The following CSF1R variants were observed in gnomAD, a reference collection of about 807,000 sequenced individuals.
The protein encoded by CSF1R is colony stimulating factor 1 receptor.
A neutral mutation model predicts 110.0 loss-of-function variants in CSF1R; 40 were observed. That is an observed-to-expected ratio of 0.36 (90% CI 0.28 to 0.47). The LOEUF (loss-of-function observed/expected upper bound fraction) is 0.47, where lower values mean the gene tolerates loss of function less well. Ranked by LOEUF, CSF1R falls within the 20% of genes least tolerant of loss-of-function variation. The pLI, the probability that CSF1R is intolerant of heterozygous loss-of-function variation, is 0.99. For synonymous variants in CSF1R, 523 were observed against 503.4 expected (o/e 1.04, Z -0.52); for missense variants, 1,052 against 1,253.0 (o/e 0.84, Z 2.42).
At chr5:150,057,236 C>A in intron 16 of CSF1R, 51 bp downstream of exon 16, 1 of 1,541,068 alleles carries the variant, frequency 6.5e-7, no homozygotes, top group East Asian at 2.3e-5. Context: ...ATCCAGCCTC[C>A]CCGGAGCACA....
In CSF1R at chr5:150,070,367, T is replaced by TAC. The variant is rs1051638528; in HGVS notation, c.1199-67_1199-66dup. ...CGCCACCTCCCAATCTCCCAGTACC[T>TAC]ACTTCCCTGTGCCCTGCCCCAGTCA... On this transcript the variant is annotated intron_variant, in intron 7 of 20. Transcript: ENST00000675795. 37 of 1,592,656 alleles carry TAC rather than the reference T, an allele frequency of 2.3e-5. No individual in the cohort carries two copies. In the African/African-American group the frequency reaches 4.7e-4, roughly 20 times the overall value.
At chr5:150,076,928 G>T (rs1033857108) in intron 5 of CSF1R, 13 of 344,156 alleles carry the variant, frequency 3.8e-5, no homozygotes, top group African/African-American at 2.5e-4. Flanking sequence ...TAATCACTGG[G>T]TGATCATTGT....
intron 1 of CSF1R, among the ~76,000 whole-genome samples, chr5:150,084,931 C>A (rs1316885156): frequency 6.6e-6 from 1 of 152,000 alleles, no homozygotes; most frequent in African/African-American, 2.4e-5. Context: ...ATTTGTCAGA[C>A]CTCATTGAAC....
intron 5 of CSF1R, chr5:150,077,016 C>G: frequency 1.9e-6 from 1 of 523,970 alleles, no homozygotes; most frequent in East Asian, 3.4e-5. Context: ...ACCCCAATCC[C>G]CAAATAAACA....
chr5:150,098,298 A>G (rs1469770803), intron 1 of CSF1R: 1 of 152,216 alleles, frequency 6.6e-6, no homozygotes, highest in African/African-American at 2.4e-5. Flanking sequence ...AAACCATACA[A>G]CTATTACAAG....
At chr5:150,112,053 T>C (rs1759735416) in intron 1 of CSF1R, among the ~76,000 whole-genome samples, 1 of 152,238 alleles carries the variant, frequency 6.6e-6, no homozygotes, top group Admixed American at 6.5e-5. Flanking sequence ...CAATCAAATC[T>C]TGTAGCTCTA....
chr5:150,085,279 A>G (rs1335732131), intron 1 of CSF1R, among the ~76,000 whole-genome samples: 2 of 91,328 alleles, frequency 2.2e-5, no homozygotes, highest in Admixed American at 1.1e-4. Flanking sequence ...TGTCTCAGGA[A>G]AAAAAAAAAA....
In CSF1R at chr5:150,053,921, T is replaced by G; in HGVS notation, c.*148A>C. ...GTGGGATCCTCTGACCTCCCCTGAA[T>G]CCCTCACCTTCCCAAGTTTCAGAGC... On this transcript the variant is annotated 3_prime_UTR_variant, in exon 21 of 21. Coordinates refer to ENST00000675795, the MANE Select transcript of CSF1R (RefSeq NM_001288705.3). 1.3e-6 allele frequency: 1 copy of G among 791,422 alleles called. No individual in the cohort carries two copies. The highest frequency in any genetic ancestry group is 2.1e-6 in the Non-Finnish European group (1 of 486,244). The allele number at this position is 791,422 out of a possible 1,614,324, so 49.0% of individuals were successfully genotyped here. A position where few individuals can be genotyped will look rare whatever the true frequency, so the allele number is the denominator to read the frequency against.
chr5:150,102,562 C>T (rs184453892), intron 1 of CSF1R, among the ~76,000 whole-genome samples: 1 of 152,320 alleles, frequency 6.6e-6, no homozygotes, highest in Admixed American at 6.5e-5. Flanking sequence ...TCACTGCAAC[C>T]TCTGACTCCC....
intron 10 of CSF1R, among the ~76,000 whole-genome samples, chr5:150,062,890 G>A (rs79990181): frequency 0.046 from 7,057 of 152,242 alleles, 539 homozygotes; most frequent in African/African-American, 0.16. Context: ...AATGCTGTAT[G>A]CTTGACATGG....
chr5:150,086,703 GC>G (rs1361295171), upstream of CSF1R: 21 of 413,830 alleles, frequency 5.1e-5, no homozygotes, highest in South Asian at 8.8e-5. Context: ...CTGGGGCAGG[GC>G]CAGCCTGAGC....
At position 150,109,064 on chromosome 5, in the gene CSF1R, C is replaced by CACT. The variant is rs1554106358; in HGVS notation, c.-181+4196_-181+4197insAGT. Among the ~76,000 whole-genome samples the CACT allele has an allele frequency of 3.1e-4, 40 of 130,526 alleles. 1 individual carries two copies. Among genetic ancestry groups the CACT allele is most frequent in the South Asian group, 1.9e-3 (8 of 4,322 alleles). 85.6% of individuals were successfully genotyped at this position (130,526 alleles called of 152,430 possible). On this transcript the variant is annotated intron_variant, in intron 1 of 21. Transcript: ENST00000286301. ...CCATCCCAAGGAGAAGCCCGCCCCC[C>CACT]CCCCACCACCCAAGAAATTCCAGGA...
At position 150,074,471 on chromosome 5, in the gene CSF1R, C is replaced by G. The variant is rs898130530; in HGVS notation, c.890-978G>C. 5.9e-5 allele frequency among the ~76,000 whole-genome samples: 9 copies of G among 152,094 alleles called. No homozygotes were observed. The East Asian group carries it at 1.5e-3, about 26-fold the overall frequency. Reference sequence around the variant, plus strand: ...AACAGTTGCATGCCACCACGCCCAGCTACTAACTAGTTTCTCCTAATGACA... The same window carrying G: ...AACAGTTGCATGCCACCACGCCCAGGTACTAACTAGTTTCTCCTAATGACA... On this transcript the variant is annotated intron_variant, in intron 5 of 20. Transcript: ENST00000675795.
rs759403025 is a variant in CSF1R at position 150,057,323 on chromosome 5, T to G, written c.2283A>C (p.Gln761His). Residue 761 changes from glutamine (Q) to histidine (H), a missense_variant, in exon 16 of 21, where the codon CAA becomes CAC. Around this residue, in one of 5 missense-constraint regions of CSF1R, gnomAD observed 124 missense variants for 117.7 expected, o/e 1.05. Transcript: ENST00000675795. ...ELRDLLHFSSQVAQGMAFLAS... is the reference protein window; with the variant it reads ...ELRDLLHFSSHVAQGMAFLAS... ...CGAGGAAGGCCATGCCCTGGGCTAC[T>G]TGGCTGGAGAAGTGAAGCAGGTCCC... 4 of 1,613,972 alleles carry G rather than the reference T, an allele frequency of 2.5e-6. No individual in the cohort carries two copies. Among genetic ancestry groups the G allele is most frequent in the Non-Finnish European group, 3.4e-6 (4 of 1,180,014 alleles).
intron 19 of CSF1R, among the ~76,000 whole-genome samples, chr5:150,054,993 CA>C (rs11342950): frequency 0.057 from 4,270 of 74,736 alleles, 135 homozygotes; most frequent in African/African-American, 0.16. Flanking sequence ...GATGCTGTCT[CA>C]AAAAAAAAAA....
intron 1 of CSF1R, among the ~76,000 whole-genome samples, chr5:150,099,928 A>T (rs1255228863): frequency 2.0e-5 from 3 of 152,248 alleles, no homozygotes; most frequent in Non-Finnish European, 4.4e-5. Context: ...GGAATAACCA[A>T]GACAGTCTTA....
At chr5:150,106,985 C>T (rs144477993) in intron 1 of CSF1R, among the ~76,000 whole-genome samples, 5 of 152,328 alleles carry the variant, frequency 3.3e-5, no homozygotes, top group Non-Finnish European at 7.3e-5. Flanking sequence ...GCAGGAGTTT[C>T]CTGGTAGGGC....
At chr5:150,078,380 G>T in intron 3 of CSF1R, 132 bp from the exon 4 acceptor site, 1 of 1,201,044 alleles carries the variant, frequency 8.3e-7, no homozygotes, top group Non-Finnish European at 1.1e-6. Flanking sequence ...ATCCTGGGAG[G>T]CAGCCTTGAT....
At chr5:150,086,139 C>T (rs1425242269) in intron 1 of CSF1R, among the ~76,000 whole-genome samples, 3 of 152,028 alleles carry the variant, frequency 2.0e-5, no homozygotes, top group Admixed American at 1.3e-4. Context: ...GCTCAGGACA[C>T]ACAGTGAGTC....
Sources: gnomAD v4.1 joint callset for allele counts (sites outside exome capture counted in the v4.1 genomes callset) on GRCh38, gnomAD v4.1.1 for gene constraint, gnomAD v4.1.1 regional missense constraint, MANE v1.5 for transcripts, NCBI Gene and HGNC (gene_info 2026-07-23, HGNC 2026-07-21) for gene names.